VWC2L: variants seen among roughly 807,000 people sequenced by gnomAD.
VWC2L encodes von Willebrand factor C domain containing 2 like, also known as von Willebrand factor C domain-containing protein 2-like.
Under a neutral mutation model 21.6 loss-of-function variants are expected in VWC2L, and 10 were observed. The ratio of observed to expected loss-of-function variants is 0.46; its 90% CI spans 0.29 to 0.78. The LOEUF (loss-of-function observed/expected upper bound fraction) is 0.78. Among genes scored for constraint, VWC2L ranks in the 30% least tolerant of loss-of-function variants. VWC2L has a pLI of 0.10. For synonymous variants in VWC2L, 96 were observed against 94.3 expected (o/e 1.02, Z -0.10); for missense variants, 209 against 277.1 (o/e 0.75, Z 1.74).
At chr2:214,430,649 TTA>T (rs1702587148) in intron 2 of VWC2L, among the ~76,000 whole-genome samples, 2 of 152,284 alleles carry the variant, frequency 1.3e-5, no homozygotes, top group South Asian at 2.1e-4. Context: ...ACTAAAATGC[TTA>T]TGTTTTCAAC....
At chr2:214,497,938 C>A (rs1397706779) in intron 3 of VWC2L, among the ~76,000 whole-genome samples, 1 of 152,136 alleles carries the variant, frequency 6.6e-6, no homozygotes, top group African/African-American at 2.4e-5. Context: ...TGAATAAAAA[C>A]CCAAATCTCT....
At chr2:214,488,165 C>G (rs11677899) in intron 3 of VWC2L, among the ~76,000 whole-genome samples, 1 of 152,176 alleles carries the variant, frequency 6.6e-6, no homozygotes, top group Non-Finnish European at 1.5e-5. Flanking sequence ...CAGCTTCTAC[C>G]GCTTCATGGC....
At chr2:214,413,898 A>G (rs1225237154) in intron 1 of VWC2L, among the ~76,000 whole-genome samples, 2 of 152,216 alleles carry the variant, frequency 1.3e-5, no homozygotes, top group African/African-American at 2.4e-5. Flanking sequence ...GAAGGTTCCT[A>G]TATAAAATAA....
intron 3 of VWC2L, among the ~76,000 whole-genome samples, chr2:214,456,633 T>G (rs1000878302): frequency 3.3e-5 from 5 of 152,150 alleles, no homozygotes; most frequent in Admixed American, 2.0e-4. Flanking sequence ...TTTGAGGCGT[T>G]AGCCATAAAA....
chr2:214,439,064 C>T (rs1043574823), intron 3 of VWC2L, among the ~76,000 whole-genome samples: 4 of 151,800 alleles, frequency 2.6e-5, no homozygotes, highest in African/African-American at 4.8e-5. Context: ...TATTAAATGC[C>T]GCTAGTTAGT....
At chr2:214,454,474 G>A (rs955734133) in intron 3 of VWC2L, among the ~76,000 whole-genome samples, 1 of 147,986 alleles carries the variant, frequency 6.8e-6, no homozygotes, top group African/African-American at 2.5e-5. Flanking sequence ...GATTTTGTGT[G>A]GGTTTTTTTT....
At position 214,436,756 on chromosome 2, in the gene VWC2L, A is replaced by G. The variant is rs1199562054; in HGVS notation, c.518A>G (p.Asn173Ser). 1 of 1,613,118 alleles carries G rather than the reference A, an allele frequency of 6.2e-7. No individual in the cohort carries two copies. The highest frequency in any genetic ancestry group is 8.5e-7 in the Non-Finnish European group (1 of 1,179,278). The change falls in exon 3 of 4, where the codon AAT becomes AGT. Residue 173 changes from asparagine (N) to serine (S), a missense_variant and splice_region_variant. Asn to Ser is a conservative substitution (Grantham distance 46). Transcript: ENST00000312504. Reference sequence around the variant, plus strand: ...GAACAATGTTGTCCTGTCTGCAAAAATGGTAAGACCACACTGCATTAGCTT... The same window carrying G: ...GAACAATGTTGTCCTGTCTGCAAAAGTGGTAAGACCACACTGCATTAGCTT... ...EPEQCCPVCK[N>S]GPNCFAGTTI...
intron 3 of VWC2L, among the ~76,000 whole-genome samples, chr2:214,571,872 G>A (rs1005186182): frequency 2.0e-5 from 3 of 151,808 alleles, no homozygotes; most frequent in East Asian, 1.9e-4. Context: ...CTGCAGCCTC[G>A]ACCTCCTGGG....
intron 3 of VWC2L, among the ~76,000 whole-genome samples, chr2:214,471,760 T>C (rs1289839717): frequency 2.0e-5 from 3 of 152,218 alleles, no homozygotes; most frequent in Non-Finnish European, 4.4e-5. Flanking sequence ...AACATATTCA[T>C]AGGGTTCTAT....
intron 3 of VWC2L, 54 bp downstream of exon 3, chr2:214,436,812 T>C: frequency 6.2e-7 from 1 of 1,604,528 alleles, no homozygotes; most frequent in South Asian, 1.1e-5. Flanking sequence ...AATACAAATA[T>C]TTCACTACTG....
chr2:214,529,276 G>T (rs2105915152), intron 3 of VWC2L, among the ~76,000 whole-genome samples: 1 of 152,252 alleles, frequency 6.6e-6, no homozygotes, highest in African/African-American at 2.4e-5. Context: ...GAATCTCAGA[G>T]AAGTTTATTA....
chr2:214,555,131 G>A (rs1050990476), intron 3 of VWC2L, among the ~76,000 whole-genome samples: 1 of 152,184 alleles, frequency 6.6e-6, no homozygotes, highest in Non-Finnish European at 1.5e-5. Context: ...TCTTTCTGCT[G>A]ATTTTAACTA....
intron 2 of VWC2L, among the ~76,000 whole-genome samples, chr2:214,426,590 C>G (rs1702527451): frequency 6.6e-6 from 1 of 152,182 alleles, no homozygotes; most frequent in African/African-American, 2.4e-5. Flanking sequence ...ATTTTCACTC[C>G]CATTTCACAA....
chr2:214,541,576 G>A (rs1203612537), intron 3 of VWC2L, among the ~76,000 whole-genome samples: 1 of 152,198 alleles, frequency 6.6e-6, no homozygotes, highest in Admixed American at 6.5e-5. Flanking sequence ...GCAGCATGCA[G>A]TGTGATGAAG....
At chr2:214,482,409 C>A (rs1193275767) in intron 3 of VWC2L, among the ~76,000 whole-genome samples, 1 of 151,732 alleles carries the variant, frequency 6.6e-6, no homozygotes, top group African/African-American at 2.4e-5. Context: ...CCAGTACCAG[C>A]ATGGAGAAAA....
Position 214,441,081 on chromosome 2 carries a change from A to G in VWC2L, c.520+4323A>G, listed in dbSNP as rs147112250. On this transcript the variant is annotated intron_variant, in intron 3 of 3. Transcript: ENST00000312504. ...AAGCCCTGTTCAAATATTTAATTCT[A>G]TGTCCCTCACTCTCTTCTAGTTTAG... 5.3e-5 allele frequency among the ~76,000 whole-genome samples: 8 copies of G among 152,320 alleles called. No individual in the cohort carries two copies. The South Asian group carries it at 6.2e-4, about 12-fold the overall frequency.
rs567375227 is a variant in VWC2L at position 214,539,788 on chromosome 2, A to G, written c.521-35884A>G. 1.9e-4 allele frequency among the ~76,000 whole-genome samples: 29 copies of G among 152,294 alleles called. No individual in the cohort carries two copies. The East Asian group carries it at 5.0e-3, about 26-fold the overall frequency. On this transcript the variant is annotated intron_variant, in intron 3 of 3. Transcript: ENST00000312504. ...CCTTTAAAATAAATTACAGCTCACA[A>G]GCATCACTGATACTGGAAAATACAT...
At position 214,412,033 on chromosome 2, in the gene VWC2L, TA is replaced by T. The variant is rs201921052; in HGVS notation, c.-81+257del. 5.1e-4 allele frequency among the ~76,000 whole-genome samples: 76 copies of T among 149,454 alleles called. No homozygotes were observed. The South Asian group carries it at 5.7e-3, about 11-fold the overall frequency. On this transcript the variant is annotated intron_variant, in intron 1 of 3. Transcript: ENST00000312504. ...CAGCTCAATTATGAAGGCTTTTTTT[TA>T]AAAAAAAAATAGCCTAAGAACTTTG...
intron 3 of VWC2L, among the ~76,000 whole-genome samples, chr2:214,571,334 T>C (rs908576232): frequency 1.3e-5 from 2 of 152,204 alleles, no homozygotes; most frequent in Non-Finnish European, 2.9e-5. Context: ...AAGTTACTTT[T>C]TATCTGTGAG....
Sources: allele counts gnomAD v4.1 joint callset (sites outside exome capture counted in the v4.1 genomes callset), GRCh38; gene constraint gnomAD v4.1.1; transcripts MANE v1.5; gene names NCBI Gene and HGNC (gene_info 2026-07-23, HGNC 2026-07-21).